Variants in CD99L2 observed in about 807,000 individuals in gnomAD.
The protein encoded by CD99L2 is CD99 molecule like 2.
A neutral mutation model predicts 27.3 loss-of-function variants in CD99L2; 24 were observed. The observed-to-expected ratio is 0.88, with a 90% CI of 0.64 to 1.24. The LOEUF is 1.24. Ranked by LOEUF, CD99L2 falls within the 50% of genes most tolerant of loss-of-function variation. CD99L2 has a pLI of 0.00. For missense variants in CD99L2, 255 were observed against 221.6 expected, an observed-to-expected ratio of 1.15 and a Z score of -0.96; for synonymous variants, 97 against 87.9, an observed-to-expected ratio of 1.10 and a Z score of -0.58.
At chrX:150,792,546 C>T (rs1420378971) in intron 7 of CD99L2, among the ~76,000 whole-genome samples, 1 of 111,996 alleles carries the variant, frequency 8.9e-6, no homozygotes, top group Non-Finnish European at 1.9e-5. Flanking sequence ...CGGAAGAGAA[C>T]ACTATTCCCA....
intron 1 of CD99L2, among the ~76,000 whole-genome samples, 159 bp downstream of exon 1, chrX:150,898,363 G>A (rs1263653950): frequency 3.6e-5 from 4 of 110,768 alleles, no homozygotes; most frequent in Middle Eastern, 4.3e-3. Flanking sequence ...CGGGCCCGGG[G>A]CTCGGACCCC....
At chrX:150,808,852 C>T (rs1473279079) in intron 4 of CD99L2, among the ~76,000 whole-genome samples, 4 of 110,585 alleles carry the variant, frequency 3.6e-5, no homozygotes, top group South Asian at 4.0e-4. Flanking sequence ...GAAGCAGCCG[C>T]GAGTTCCGTG....
At chrX:150,810,350 A>G (rs2046054469) in intron 4 of CD99L2, among the ~76,000 whole-genome samples, 1 of 112,321 alleles carries the variant, frequency 8.9e-6, no homozygotes, top group Non-Finnish European at 1.9e-5. Flanking sequence ...CAAAATAACC[A>G]ATAGGTCAAA....
At chrX:150,889,471 A>C (rs184710185) in intron 1 of CD99L2, among the ~76,000 whole-genome samples, 1 of 112,307 alleles carries the variant, frequency 8.9e-6, no homozygotes. Flanking sequence ...CAGCAATAAA[A>C]AAAAAAAAAC....
chrX:150,866,701 G>A (rs2047067118), intron 1 of CD99L2, among the ~76,000 whole-genome samples: 1 of 112,339 alleles, frequency 8.9e-6, no homozygotes, highest in Non-Finnish European at 1.9e-5. Context: ...AGCTAGATGA[G>A]AAGAATTATA....
Position 150,795,631 on chromosome X carries a change from C to T in CD99L2, c.278-145G>A, listed in dbSNP as rs782640780. 2.9e-4 allele frequency: 157 copies of T among 547,812 alleles called. 1 individual carries two copies. Among genetic ancestry groups the T allele is most frequent in the Middle Eastern group, 5.0e-4 (1 of 2,006 alleles). 45.1% of individuals were successfully genotyped at this position (547,812 alleles called of 1,213,427 possible). On this transcript the variant is annotated intron_variant, in intron 4 of 10. Transcript: ENST00000370377. ...GGACCTCTGCAGAATCACTTTGAGACGGATGACAAAGAGATATAAAAGGCT... is the reference window on the plus strand; with the variant it reads ...GGACCTCTGCAGAATCACTTTGAGATGGATGACAAAGAGATATAAAAGGCT...
intron 4 of CD99L2, among the ~76,000 whole-genome samples, chrX:150,807,712 G>T (rs782688990): frequency 5.3e-5 from 6 of 112,352 alleles, no homozygotes; most frequent in Non-Finnish European, 1.1e-4. Flanking sequence ...AGAGGGGGCT[G>T]CTCTGTACCT....
intron 4 of CD99L2, among the ~76,000 whole-genome samples, chrX:150,801,598 C>G (rs2045907810): frequency 9.1e-6 from 1 of 109,557 alleles, no homozygotes. Context: ...GACACAGAGC[C>G]AAACCAGATC....
chrX:150,887,957 G>A (rs1410060213), intron 1 of CD99L2, among the ~76,000 whole-genome samples: 6 of 112,163 alleles, frequency 5.3e-5, no homozygotes, highest in Admixed American at 2.8e-4. Flanking sequence ...ACTGGGATAC[G>A]CTCCAGGGAG....
chrX:150,794,169 A>C (rs2045748469), intron 6 of CD99L2, among the ~76,000 whole-genome samples: 1 of 111,866 alleles, frequency 8.9e-6, no homozygotes, highest in South Asian at 3.8e-4. Context: ...GAGAAGCAAC[A>C]GAGTCGGTCG....
chrX:150,845,675 T>C (rs2046690980), intron 1 of CD99L2, among the ~76,000 whole-genome samples: 2 of 111,736 alleles, frequency 1.8e-5, no homozygotes, highest in Admixed American at 1.9e-4. Flanking sequence ...AATCACTTGA[T>C]CCCATAGGAG....
intron 1 of CD99L2, among the ~76,000 whole-genome samples, chrX:150,844,129 T>C (rs1392920356): frequency 8.9e-6 from 1 of 112,082 alleles, no homozygotes; most frequent in African/African-American, 3.2e-5. Context: ...GTGGGGAGCA[T>C]AGCTTGATTC....
intron 1 of CD99L2, among the ~76,000 whole-genome samples, chrX:150,835,501 GAC>G (rs782712122): frequency 1.8e-5 from 2 of 111,680 alleles, no homozygotes; most frequent in African/African-American, 6.5e-5. Flanking sequence ...TAGCATGGGC[GAC>G]AGAGTGAGGC....
chrX:150,894,061 TTC>T (rs2047564498), intron 1 of CD99L2, among the ~76,000 whole-genome samples: 1 of 111,308 alleles, frequency 9.0e-6, no homozygotes, highest in Non-Finnish European at 1.9e-5. Flanking sequence ...TTTTAGTACA[TTC>T]ACATATTTTG....
chrX:150,861,059 G>A lies in CD99L2; in HGVS notation c.68-29766C>T, dbSNP rs566578198. ...CGGGAGGCTGAGGGAGGAGAATGGC[G>A]TGAACCCAGGAGGCGGAGATTGCAG... On this transcript the variant is annotated intron_variant, in intron 1 of 10. Transcript: ENST00000370377. Among the ~76,000 whole-genome samples the A allele has an allele frequency of 2.8e-4, 29 of 104,134 alleles. 1 individual carries two copies. In the South Asian group the frequency reaches 0.012, roughly 42 times the overall value. 90.4% of individuals were successfully genotyped at this position (104,134 alleles called of 115,157 possible). A position where few individuals can be genotyped will look rare whatever the true frequency, so the allele number is the denominator to read the frequency against.
chrX:150,849,416 TG>T (rs1215760041), intron 1 of CD99L2, among the ~76,000 whole-genome samples: 1 of 111,324 alleles, frequency 9.0e-6, no homozygotes, highest in Admixed American at 9.6e-5. Context: ...AAAAATTAGC[TG>T]GGTATGGTAG....
chrX:150,871,142 G>T (rs1169592601), intron 1 of CD99L2, among the ~76,000 whole-genome samples: 1 of 112,542 alleles, frequency 8.9e-6, no homozygotes, highest in Non-Finnish European at 1.9e-5. Flanking sequence ...AGAAGACACA[G>T]AAATCATTTT....
intron 7 of CD99L2, among the ~76,000 whole-genome samples, chrX:150,780,910 G>A (rs1224368892): frequency 2.7e-5 from 3 of 112,424 alleles, no homozygotes; most frequent in African/African-American, 9.7e-5. Context: ...TACTAGTGGT[G>A]GAAATGGAGG....
chrX:150,791,168 T>C (rs2045681503), intron 7 of CD99L2, among the ~76,000 whole-genome samples: 1 of 112,150 alleles, frequency 8.9e-6, no homozygotes, highest in South Asian at 3.7e-4. Context: ...CAAATGTCTG[T>C]TGCTTAATTA....
Sources: allele counts gnomAD v4.1 joint callset (sites outside exome capture counted in the v4.1 genomes callset), GRCh38; gene constraint gnomAD v4.1.1; transcripts MANE v1.5; gene names NCBI Gene and HGNC (gene_info 2026-07-23, HGNC 2026-07-21).